Variants in GLB1L2 observed in about 807,000 individuals in gnomAD.
The protein encoded by GLB1L2 is beta-galactosidase-1-like protein 2.
A neutral mutation model predicts 84.1 loss-of-function variants in GLB1L2; 68 were observed. The observed-to-expected ratio is 0.81, with a 90% CI of 0.67 to 0.99. The LOEUF (loss-of-function observed/expected upper bound fraction) is 0.99. GLB1L2 is among the 50% of genes least tolerant of loss of function. The pLI is 0.00. For synonymous variants in GLB1L2, 290 were observed against 318.0 expected, an observed-to-expected ratio of 0.91 and a Z score of 0.94; for missense variants, 762 against 805.6, an observed-to-expected ratio of 0.95 and a Z score of 0.66.
intron 2 of GLB1L2, 82 bp downstream of exon 2, chr11:134,343,033 C>G (rs1441819615): frequency 1.4e-6 from 2 of 1,424,344 alleles, no homozygotes. Context: ...ATAAGAGGAA[C>G]CGGCCCAGGT....
chr11:134,369,742 C>T (rs1006489456), intron 10 of GLB1L2, 63 bp from the exon 11 acceptor site: 2 of 1,449,724 alleles, frequency 1.4e-6, no homozygotes, highest in South Asian at 1.2e-5. Flanking sequence ...TCTCCCTGTT[C>T]TTCGTGCTAC....
intron 1 of GLB1L2, among the ~76,000 whole-genome samples, chr11:134,341,420 C>T (rs1015207490): frequency 3.3e-5 from 5 of 152,142 alleles, no homozygotes; most frequent in Middle Eastern, 3.2e-3. Flanking sequence ...GATTCACATC[C>T]GGATCTTCCT....
At chr11:134,352,707 G>A (rs1943650473) in intron 5 of GLB1L2, among the ~76,000 whole-genome samples, 1 of 151,186 alleles carries the variant, frequency 6.6e-6, no homozygotes, top group Non-Finnish European at 1.5e-5. Flanking sequence ...GAGTGCAGTG[G>A]CATGATCTCA....
chr11:134,343,045 C>T, intron 2 of GLB1L2, 94 bp downstream of exon 2: 1 of 1,337,160 alleles, frequency 7.5e-7, no homozygotes, highest in Non-Finnish European at 1.0e-6. Context: ...GGCCCAGGTC[C>T]TCTGCCCAGG....
chr11:134,347,909 G>A (rs1048672459), intron 5 of GLB1L2, among the ~76,000 whole-genome samples: 15 of 152,182 alleles, frequency 9.9e-5, no homozygotes, highest in African/African-American at 3.4e-4. Flanking sequence ...TCCTTTCGCT[G>A]ACTTTACGAG....
At chr11:134,356,493 C>A in intron 6 of GLB1L2, 100 bp downstream of exon 6, 1 of 732,926 alleles carries the variant, frequency 1.4e-6, no homozygotes, top group South Asian at 1.7e-5. Flanking sequence ...CATATTAATA[C>A]ATCCTCCAAC....
In GLB1L2 at chr11:134,369,875, C is replaced by G. The variant is rs1331891860; in HGVS notation, c.1098C>G (p.Gly366=). Residue 366 remains glycine (G), a synonymous_variant, in exon 11 of 19, where the codon GGC becomes GGG. Transcript: ENST00000535456. ...ACATGAAGCTTCGAGACTTCTTCGGCTCCATCTCAGGTACCCAGCAGACAG... is the reference window on the plus strand; with the variant it reads ...ACATGAAGCTTCGAGACTTCTTCGGGTCCATCTCAGGTACCCAGCAGACAG... ...AKYMKLRDFF[G]SISGIPLPPP... is the part of the protein sequence containing the mutation. 1.9e-6 allele frequency: 3 copies of G among 1,613,576 alleles called. No individual in the cohort carries two copies. The highest frequency in any genetic ancestry group is 2.5e-6 in the Non-Finnish European group (3 of 1,179,514).
intron 5 of GLB1L2, among the ~76,000 whole-genome samples, chr11:134,355,168 A>G (rs1210157100): frequency 2.6e-5 from 4 of 152,196 alleles, no homozygotes; most frequent in Non-Finnish European, 5.9e-5. Flanking sequence ...TTTCAGCCCC[A>G]GAAGTTCCTT....
At chr11:134,367,089 C>A in intron 8 of GLB1L2, 168 bp from the exon 9 acceptor site, 1 of 650,338 alleles carries the variant, frequency 1.5e-6, no homozygotes. Flanking sequence ...GGTGTGCAGG[C>A]GAATTTGGCC....
chr11:134,374,044 C>A, intron 16 of GLB1L2, 101 bp from the exon 17 acceptor site: 1 of 879,808 alleles, frequency 1.1e-6, no homozygotes, highest in Non-Finnish European at 1.9e-6. Flanking sequence ...AGGCGGGGGG[C>A]CTTGGATGGG....
At chr11:134,343,295 G>A (rs1054563883) in intron 2 of GLB1L2, among the ~76,000 whole-genome samples, 1 of 152,152 alleles carries the variant, frequency 6.6e-6, no homozygotes, top group East Asian at 1.9e-4. Flanking sequence ...TCTTCTTCAG[G>A]AGAGCTGCCT....
In GLB1L2 at chr11:134,368,766, G is replaced by GA; in HGVS notation, c.1013dup (p.Asp338GlufsTer6). 7.4e-6 allele frequency: 12 copies of GA among 1,613,752 alleles called. No individual in the cohort carries two copies. Among genetic ancestry groups the GA allele is most frequent in the Non-Finnish European group, 1.0e-5 (12 of 1,179,882 alleles). On this transcript the variant is annotated frameshift_variant, in exon 10 of 19. Transcript: ENST00000535456. LOFTEE classifies it high-confidence loss of function. ...CATGCACTTCCATGACTACAAGTCA[G>GA]ATGTCACCAGCTATGGCAAGTATTC...
At chr11:134,352,431 C>G (rs529517340) in intron 5 of GLB1L2, among the ~76,000 whole-genome samples, 17 of 151,998 alleles carry the variant, frequency 1.1e-4, no homozygotes, top group African/African-American at 3.9e-4. Flanking sequence ...TTTCTATTCT[C>G]TCATTGTCTA....
chr11:134,361,827 G>T (rs1943794575), intron 7 of GLB1L2, among the ~76,000 whole-genome samples: 1 of 152,114 alleles, frequency 6.6e-6, no homozygotes, highest in South Asian at 2.1e-4. Flanking sequence ...GATGTTTCTT[G>T]GTGCTCCGTG....
intron 18 of GLB1L2, 36 bp downstream of exon 18, chr11:134,374,754 GC>G: frequency 6.5e-7 from 1 of 1,532,322 alleles, no homozygotes; most frequent in East Asian, 2.3e-5. Flanking sequence ...TCCCCATGAC[GC>G]CCTGCCCACC....
intron 8 of GLB1L2, 189 bp downstream of exon 8, chr11:134,364,587 G>C: frequency 1.7e-6 from 1 of 587,522 alleles, no homozygotes; most frequent in Non-Finnish European, 3.0e-6. Flanking sequence ...GAGGGCTGCT[G>C]TGTAGGCTGA....
At chr11:134,344,216 C>T (rs548031189) in intron 2 of GLB1L2, among the ~76,000 whole-genome samples, 171 bp from the exon 3 acceptor site, 146 of 152,306 alleles carry the variant, frequency 9.6e-4, no homozygotes, top group African/African-American at 3.3e-3. Context: ...GAGGGCTTGC[C>T]CTCGATTCTG....
At position 134,345,113 on chromosome 11, in the gene GLB1L2, CT is replaced by C; in HGVS notation, c.434del (p.Leu145ProfsTer14). The C allele has an allele frequency of 6.2e-7, 1 of 1,612,338 alleles. No individual in the cohort carries two copies. The highest frequency in any genetic ancestry group is 8.5e-7 in the Non-Finnish European group (1 of 1,178,824). ...CCCCTACATCTGCAGTGAGATGGACCTCGGGGGCTTGCCCAGGTAAGCGGGG... is the reference window on the plus strand; with the variant it reads ...CCCCTACATCTGCAGTGAGATGGACCCGGGGGCTTGCCCAGGTAAGCGGGG... ...PGPYICSEMD[L>X]GGLPSWLLQD... On this transcript the variant is annotated frameshift_variant, in exon 4 of 19. Coordinates refer to ENST00000535456, the MANE Select transcript of GLB1L2 (RefSeq NM_001370461.1). LOFTEE classifies it high-confidence loss of function.
chr11:134,337,474 A>G (rs1006896040), intron 1 of GLB1L2, among the ~76,000 whole-genome samples: 36 of 152,182 alleles, frequency 2.4e-4, no homozygotes, highest in African/African-American at 8.7e-4. Flanking sequence ...TTTGGAGTAG[A>G]GGCATTAAGG....
Sources: gnomAD v4.1 joint callset for allele counts (sites outside exome capture counted in the v4.1 genomes callset) on GRCh38, gnomAD v4.1.1 for gene constraint, MANE v1.5 for transcripts, NCBI Gene and HGNC (gene_info 2026-07-23, HGNC 2026-07-21) for gene names.